The following FOCAD variants were observed in gnomAD, a reference collection of about 807,000 sequenced individuals.
FOCAD encodes the protein focadhesin, also known as KIAA1797.
Under a neutral mutation model 225.6 loss-of-function variants are expected in FOCAD, and 198 were observed. The ratio of observed to expected loss-of-function variants is 0.88; its 90% confidence interval spans 0.78 to 0.99. The LOEUF (loss-of-function observed/expected upper bound fraction) is 0.99, where lower values mean the gene tolerates loss of function less well. Among genes scored for constraint, FOCAD ranks in the 50% least tolerant of loss-of-function variants. The pLI is 0.00. For missense variants in FOCAD, 2,713 were observed against 2,123.6 expected (o/e 1.28, Z -5.46); for synonymous variants, 897 against 755.0 (o/e 1.19, Z -3.08).
intron 19 of FOCAD, among the ~76,000 whole-genome samples, chr9:20,879,379 G>T (rs1419945046): frequency 6.6e-6 from 1 of 152,150 alleles, no homozygotes; most frequent in Non-Finnish European, 1.5e-5. Context: ...AGGAAGTTTA[G>T]ACTTAAGGGA....
chr9:20,842,611 T>A (rs1251959235), intron 15 of FOCAD, among the ~76,000 whole-genome samples: 1 of 151,990 alleles, frequency 6.6e-6, no homozygotes, highest in Non-Finnish European at 1.5e-5. Context: ...TATGTCTGAC[T>A]CTATAGGTTA....
In FOCAD at chr9:20,823,489, A is replaced by G. The variant is rs1052281567; in HGVS notation, c.1920+374A>G. Reference sequence around the variant, plus strand: ...TGAGGTGAAGAAATTGTCGTTGGCCAGTGGCACTTTTATAGCTAAAAGATT... The same window carrying G: ...TGAGGTGAAGAAATTGTCGTTGGCCGGTGGCACTTTTATAGCTAAAAGATT... On this transcript the variant is annotated intron_variant, in intron 15 of 43. Coordinates refer to ENST00000338382, the MANE Select transcript of FOCAD (RefSeq NM_001375567.1). 2.0e-5 allele frequency among the ~76,000 whole-genome samples: 3 copies of G among 152,214 alleles called. No homozygotes were observed. In the East Asian group the frequency reaches 5.8e-4, roughly 29 times the overall value.
intron 3 of FOCAD, among the ~76,000 whole-genome samples, chr9:20,719,675 T>G (rs1198325144): frequency 5.9e-5 from 9 of 152,066 alleles, no homozygotes; most frequent in Non-Finnish European, 1.3e-4. Context: ...AAACTTATAT[T>G]TACTTATATG....
chr9:20,890,867 T>C (rs1370842270), intron 21 of FOCAD, among the ~76,000 whole-genome samples: 1 of 152,158 alleles, frequency 6.6e-6, no homozygotes, highest in Non-Finnish European at 1.5e-5. Context: ...GGCTATTTTT[T>C]TTTAATCTAC....
intron 2 of FOCAD, among the ~76,000 whole-genome samples, chr9:20,674,871 C>A (rs1281547240): frequency 6.6e-6 from 1 of 152,172 alleles, no homozygotes; most frequent in Non-Finnish European, 1.5e-5. Context: ...TAGATTCCTT[C>A]AAAATTTCCC....
At chr9:20,858,263 A>G (rs752568086) in intron 15 of FOCAD, among the ~76,000 whole-genome samples, 3 of 152,062 alleles carry the variant, frequency 2.0e-5, no homozygotes, top group Admixed American at 6.6e-5. Context: ...CTGCAATCTC[A>G]CTACTTTTTA....
chr9:20,814,371 TC>T (rs1823425904), intron 11 of FOCAD, among the ~76,000 whole-genome samples: 1 of 152,026 alleles, frequency 6.6e-6, no homozygotes, highest in African/African-American at 2.4e-5. Context: ...CTTTTTTTTT[TC>T]TGAGATGAAG....
intron 34 of FOCAD, 107 bp from the exon 35 acceptor site, chr9:20,952,878 C>T: frequency 2.4e-6 from 2 of 831,716 alleles, no homozygotes; most frequent in Admixed American, 4.2e-5. Flanking sequence ...ATGGCATAAA[C>T]ATCTCCACTT....
intron 29 of FOCAD, among the ~76,000 whole-genome samples, chr9:20,946,073 TTTTA>T (rs200251821): frequency 4.6e-4 from 49 of 105,996 alleles, no homozygotes; most frequent in African/African-American, 1.7e-3. Context: ...TTTACCCATA[TTTTA>T]TTTATTCATT....
intron 1 of FOCAD, among the ~76,000 whole-genome samples, chr9:20,688,906 A>C (rs1269743076): frequency 4.6e-5 from 7 of 152,212 alleles, no homozygotes; most frequent in Non-Finnish European, 7.3e-5. Context: ...ATTCAGTAGA[A>C]CCAGAGATGA....
rs781193929 is a variant in FOCAD at position 20,939,696 on chromosome 9, A to C, written c.3408-4931A>C. 3.4e-4 allele frequency among the ~76,000 whole-genome samples: 48 copies of C among 142,392 alleles called. 1 individual carries two copies. The highest frequency in any genetic ancestry group is 9.0e-4 in the Admixed American group (13 of 14,460). The allele number at this position is 142,392 out of a possible 152,430, so 93.4% of individuals were successfully genotyped here. On this transcript the variant is annotated intron_variant, in intron 28 of 43. Transcript: ENST00000338382. ...TCTTTGTTGATTCTTACCTTCTTTT[A>C]TTTTATTTTTTTTTGTTTTTATTTT...
intron 8 of FOCAD, among the ~76,000 whole-genome samples, chr9:20,777,711 A>T (rs935792540): frequency 6.6e-6 from 1 of 152,216 alleles, no homozygotes; most frequent in African/African-American, 2.4e-5. Context: ...ATATAGATGA[A>T]TCATGTCTGT....
At chr9:20,669,662 C>G (rs1477069455) in intron 2 of FOCAD, among the ~76,000 whole-genome samples, 1 of 152,262 alleles carries the variant, frequency 6.6e-6, no homozygotes, top group East Asian at 1.9e-4. Context: ...GTAATCCCAG[C>G]TACTCAGGAG....
At chr9:20,801,870 A>G (rs1185358885) in intron 11 of FOCAD, among the ~76,000 whole-genome samples, 1 of 152,142 alleles carries the variant, frequency 6.6e-6, no homozygotes, top group Non-Finnish European at 1.5e-5. Flanking sequence ...TCAACCCCAG[A>G]ATGCCTCAAG....
chr9:20,965,409 A>G (rs1258138976), intron 35 of FOCAD, among the ~76,000 whole-genome samples: 1 of 152,174 alleles, frequency 6.6e-6, no homozygotes, highest in East Asian at 1.9e-4. Context: ...GAAAGATATC[A>G]GGCGCCAAGA....
Position 20,806,957 on chromosome 9 carries a change from T to C in FOCAD, c.1456-12839T>C, listed in dbSNP as rs1319383704. On this transcript the variant is annotated intron_variant, in intron 11 of 43. Coordinates refer to ENST00000338382, the MANE Select transcript of FOCAD (RefSeq NM_001375567.1). Reference sequence around the variant, plus strand: ...AACCTTCTGCATAGATTAAATTGAATTGGTTTATTTCTTGTAATATTTCAA... The same window carrying C: ...AACCTTCTGCATAGATTAAATTGAACTGGTTTATTTCTTGTAATATTTCAA... 3.3e-5 allele frequency among the ~76,000 whole-genome samples: 5 copies of C among 152,332 alleles called. No homozygotes were observed. The East Asian group carries it at 9.6e-4, about 29-fold the overall frequency.
chr9:20,950,948 G>A, intron 33 of FOCAD, 48 bp from the exon 34 acceptor site: 3 of 1,518,826 alleles, frequency 2.0e-6, no homozygotes, highest in South Asian at 1.1e-5. Flanking sequence ...TTATTGAATG[G>A]AACTTGGATC....
intron 24 of FOCAD, among the ~76,000 whole-genome samples, chr9:20,918,191 G>C (rs778652341): frequency 2.0e-5 from 3 of 152,218 alleles, no homozygotes; most frequent in Non-Finnish European, 4.4e-5. Context: ...CCTATTAAAA[G>C]CAGTGCTCTG....
intron 1 of FOCAD, chr9:20,658,675 G>C (rs1821604112): frequency 6.4e-6 from 1 of 155,854 alleles, no homozygotes; most frequent in Admixed American, 6.5e-5. Flanking sequence ...TGCGCCCACT[G>C]TCTGGCACTC....
Sources: allele counts gnomAD v4.1 joint callset (sites outside exome capture counted in the v4.1 genomes callset), GRCh38; gene constraint gnomAD v4.1.1; transcripts MANE v1.5; gene names NCBI Gene and HGNC (gene_info 2026-07-23, HGNC 2026-07-21).